ARFGEF1: variants seen among roughly 807,000 people sequenced by gnomAD.
ARFGEF1 encodes ARF guanine nucleotide exchange factor 1, also known as brefeldin A-inhibited guanine nucleotide-exchange protein 1.
A neutral mutation model predicts 231.0 loss-of-function variants in ARFGEF1; 42 were observed. That is an observed-to-expected ratio of 0.18 (90% CI 0.14 to 0.24). The LOEUF (loss-of-function observed/expected upper bound fraction) is 0.24. ARFGEF1 is among the 10% of genes least tolerant of loss of function. The probability of loss-of-function intolerance (pLI) is 1.00; values close to 1 mark genes in which losing one functional copy is unlikely to be tolerated. For synonymous variants in ARFGEF1, 710 were observed against 732.3 expected, an observed-to-expected ratio of 0.97 and a Z score of 0.49; for missense variants, 1,345 against 2,192.0, an observed-to-expected ratio of 0.61 and a Z score of 7.72.
At chr8:67,251,083 C>T (rs1169487338) in intron 19 of ARFGEF1, among the ~76,000 whole-genome samples, 1 of 152,200 alleles carries the variant, frequency 6.6e-6, no homozygotes, top group African/African-American at 2.4e-5. Flanking sequence ...GATTACACAA[C>T]TATTAATTAC....
chr8:67,312,112 T>A (rs1807097443), intron 1 of ARFGEF1, among the ~76,000 whole-genome samples: 1 of 151,890 alleles, frequency 6.6e-6, no homozygotes, highest in Admixed American at 6.6e-5. Flanking sequence ...GAAGGCAGTG[T>A]TTCCTCTGCC....
At chr8:67,342,246 T>G (rs996099229) in intron 1 of ARFGEF1, among the ~76,000 whole-genome samples, 1 of 152,222 alleles carries the variant, frequency 6.6e-6, no homozygotes, top group Admixed American at 6.5e-5. Context: ...ATGGATGCAA[T>G]AGATCTAACA....
chr8:67,299,456 T>TA (rs35570525), intron 3 of ARFGEF1, 101 bp from the exon 4 acceptor site: 315,155 of 1,072,206 alleles, frequency 0.29, 49,859 homozygotes, highest in African/African-American at 0.42. Context: ...TGAATATACA[T>TA]AAAATTTTTA....
chr8:67,311,569 G>A (rs1382838831), intron 1 of ARFGEF1, among the ~76,000 whole-genome samples: 1 of 146,794 alleles, frequency 6.8e-6, no homozygotes, highest in African/African-American at 2.5e-5. Flanking sequence ...GAGATGGGGG[G>A]GTCAGCCCCC....
chr8:67,311,226 C>T (rs1345429630), intron 1 of ARFGEF1, among the ~76,000 whole-genome samples: 12 of 144,054 alleles, frequency 8.3e-5, no homozygotes, highest in South Asian at 6.7e-4. Flanking sequence ...CCGCCCCGTC[C>T]GGGAGGGAGG....
At chr8:67,306,071 A>G (rs927180790) in intron 1 of ARFGEF1, among the ~76,000 whole-genome samples, 1 of 152,168 alleles carries the variant, frequency 6.6e-6, no homozygotes, top group Non-Finnish European at 1.5e-5. Flanking sequence ...TTAAGTTGAG[A>G]ACTTTCACCT....
chr8:67,302,223 T>C (rs1230595725), intron 2 of ARFGEF1, among the ~76,000 whole-genome samples: 1 of 152,050 alleles, frequency 6.6e-6, no homozygotes, highest in East Asian at 1.9e-4. Context: ...CATACATTTT[T>C]ATAAATATAT....
chr8:67,287,204 T>C (rs1805795812), intron 7 of ARFGEF1, among the ~76,000 whole-genome samples: 1 of 152,198 alleles, frequency 6.6e-6, no homozygotes, highest in Non-Finnish European at 1.5e-5. Flanking sequence ...ACAAAGAGTG[T>C]AATTTATGCT....
intron 1 of ARFGEF1, among the ~76,000 whole-genome samples, chr8:67,337,698 G>A (rs1398327031): frequency 6.6e-6 from 1 of 152,020 alleles, no homozygotes; most frequent in African/African-American, 2.4e-5. Context: ...CCCCACTTAT[G>A]TCACTTCTTT....
chr8:67,195,240 A>AAAACAAAAC, downstream of ARFGEF1: 1 of 712,018 alleles, frequency 1.4e-6, no homozygotes, highest in East Asian at 2.5e-5. Context: ...GAGTCTAACC[A>AAAACAAAAC]AAACAAACAA....
In ARFGEF1 at chr8:67,198,341, A is replaced by C. The variant is rs577542609; in HGVS notation, c.*593T>G. The C allele has an allele frequency of 1.0e-6, 1 of 984,312 alleles. No individual in the cohort carries two copies. Among genetic ancestry groups the C allele is most frequent in the Non-Finnish European group, 1.2e-6 (1 of 828,638 alleles). 61.0% of individuals were successfully genotyped at this position (984,312 alleles called of 1,614,324 possible). A position where few individuals can be genotyped will look rare whatever the true frequency, so the allele number is the denominator to read the frequency against. On this transcript the variant is annotated 3_prime_UTR_variant, in exon 39 of 39. Transcript: ENST00000262215. ...TAGCAAATGAATAAGAAAATAAAGAAAACAGTGCAGGAAGAACTATATAAT... is the reference window on the plus strand; with the variant it reads ...TAGCAAATGAATAAGAAAATAAAGACAACAGTGCAGGAAGAACTATATAAT...
chr8:67,173,974 A>T (rs1218080985), downstream of ARFGEF1: 2 of 152,124 alleles, frequency 1.3e-5, no homozygotes, highest in African/African-American at 4.8e-5. Context: ...GTCCTTGTGT[A>T]TTCTTGTGTT....
At chr8:67,231,871 C>T (rs1839564618) in intron 23 of ARFGEF1, among the ~76,000 whole-genome samples, 1 of 151,972 alleles carries the variant, frequency 6.6e-6, no homozygotes, top group African/African-American at 2.4e-5. Context: ...GCAAGTGCCT[C>T]ATCTGTGGCA....
At chr8:67,329,152 A>T (rs1807978396) in intron 1 of ARFGEF1, among the ~76,000 whole-genome samples, 1 of 151,968 alleles carries the variant, frequency 6.6e-6, no homozygotes, top group African/African-American at 2.4e-5. Context: ...CTTGAACTCG[A>T]GAGGCGGAGA....
intron 14 of ARFGEF1, among the ~76,000 whole-genome samples, chr8:67,265,613 A>G (rs1804819010): frequency 6.6e-6 from 1 of 152,168 alleles, no homozygotes; most frequent in Non-Finnish European, 1.5e-5. Flanking sequence ...GTACATTTGT[A>G]AGCCAGCTGG....
Position 67,271,798 on chromosome 8 carries a change from A to G in ARFGEF1, c.1476T>C (p.Asn492=), listed in dbSNP as rs1242635825. The G allele has an allele frequency of 1.9e-6, 3 of 1,613,746 alleles. No individual in the cohort carries two copies. Among genetic ancestry groups the G allele is most frequent in the Non-Finnish European group, 2.5e-6 (3 of 1,179,866 alleles). ...AAACCTCTGGAACAGATGAGACTCC[A>G]TTTTTTGAGAGTGCAACACAAAGAT... is the stretch of plus-strand genomic sequence containing the variant. ...KQYLCVALSK[N]GVSSVPEVFE... Residue 492 remains asparagine (N), a synonymous_variant, in exon 10 of 39, where the codon AAT becomes AAC. Transcript: ENST00000262215.
Position 67,225,037 on chromosome 8 carries a change from C to G in ARFGEF1, c.4078-4G>C. Reference sequence around the variant, plus strand: ...CGCTTGTGTATTCCTTGAAAGCCTTCAAGAAAAAAGGTAGGGTTATTAAAG... The same window carrying G: ...CGCTTGTGTATTCCTTGAAAGCCTTGAAGAAAAAAGGTAGGGTTATTAAAG... On this transcript the variant is annotated splice_polypyrimidine_tract_variant and splice_region_variant and intron_variant, in intron 28 of 38. Coordinates refer to ENST00000262215, the MANE Select transcript of ARFGEF1 (RefSeq NM_006421.5). The G allele has an allele frequency of 6.3e-7, 1 of 1,580,622 alleles. No individual in the cohort carries two copies. Among genetic ancestry groups the G allele is most frequent in the Non-Finnish European group, 8.6e-7 (1 of 1,166,962 alleles).
intron 1 of ARFGEF1, among the ~76,000 whole-genome samples, chr8:67,331,689 C>T (rs1482854361): frequency 6.6e-6 from 1 of 151,798 alleles, no homozygotes; most frequent in Admixed American, 6.6e-5. Context: ...GATATCCTAA[C>T]TATAAAGAGG....
chr8:67,185,537 C>G (rs7815839), intron 5 of ARFGEF1, among the ~76,000 whole-genome samples: 2,356 of 152,194 alleles, frequency 0.015, 54 homozygotes, highest in African/African-American at 0.052. Flanking sequence ...ATAACATCAC[C>G]AGTGGTCTGT....
Sources: allele counts gnomAD v4.1 joint callset (sites outside exome capture counted in the v4.1 genomes callset), GRCh38; gene constraint gnomAD v4.1.1; transcripts MANE v1.5; gene names NCBI Gene and HGNC (gene_info 2026-07-23, HGNC 2026-07-21).